The following MAGI2 variants were observed in gnomAD, a reference collection of about 807,000 sequenced individuals.
The protein encoded by MAGI2 is membrane-associated guanylate kinase, WW and PDZ domain-containing protein 2.
A neutral mutation model predicts 133.3 loss-of-function variants in MAGI2; 35 were observed. That is an observed-to-expected ratio of 0.26 (90% CI 0.20 to 0.35). The LOEUF (loss-of-function observed/expected upper bound fraction) is 0.35, where lower values mean the gene tolerates loss of function less well. Among genes scored for constraint, MAGI2 ranks in the 10% least tolerant of loss-of-function variants. The pLI is 1.00. For missense variants in MAGI2, 1,636 were observed against 1,863.4 expected (o/e 0.88, Z 2.25); for synonymous variants, 729 against 710.6 (o/e 1.03, Z -0.41).
chr7:79,067,518 G>T (rs1814477699), intron 1 of MAGI2, among the ~76,000 whole-genome samples: 1 of 152,152 alleles, frequency 6.6e-6, no homozygotes, highest in South Asian at 2.1e-4. Flanking sequence ...AGATGATGGG[G>T]TTTTCTAAAT....
At chr7:78,429,103 T>G (rs1236286806) in intron 6 of MAGI2, among the ~76,000 whole-genome samples, 1 of 152,100 alleles carries the variant, frequency 6.6e-6, no homozygotes, top group Non-Finnish European at 1.5e-5. Context: ...TATTATTGGT[T>G]TCTATAATGA....
chr7:78,747,595 C>T (rs1823046194), intron 2 of MAGI2, among the ~76,000 whole-genome samples: 1 of 152,066 alleles, frequency 6.6e-6, no homozygotes, highest in African/African-American at 2.4e-5. Flanking sequence ...TAATACTGCT[C>T]CTCAGTAAGT....
chr7:79,365,787 G>T (rs1293070006), intron 1 of MAGI2, among the ~76,000 whole-genome samples: 2 of 148,568 alleles, frequency 1.3e-5, no homozygotes, highest in African/African-American at 5.0e-5. Context: ...TTGAACCCAG[G>T]TGGTGGAGGT....
At chr7:79,310,527 C>A (rs949350450) in intron 1 of MAGI2, among the ~76,000 whole-genome samples, 5 of 152,036 alleles carry the variant, frequency 3.3e-5, no homozygotes, top group East Asian at 1.9e-4. Flanking sequence ...ATTTGGGGAC[C>A]AAGCTTTCAG....
chr7:78,465,919 A>G (rs1294198150), intron 6 of MAGI2, among the ~76,000 whole-genome samples: 1 of 152,158 alleles, frequency 6.6e-6, no homozygotes, highest in Non-Finnish European at 1.5e-5. Context: ...GTAAAGCAAG[A>G]CAGGAAAATA....
Position 78,958,673 on chromosome 7 carries a change from A to G in MAGI2, c.418+48417T>C, listed in dbSNP as rs1453300840. Among the ~76,000 whole-genome samples the G allele has an allele frequency of 3.3e-5, 5 of 152,268 alleles. No individual in the cohort carries two copies. The East Asian group carries it at 9.7e-4, about 29-fold the overall frequency. On this transcript the variant is annotated intron_variant, in intron 2 of 21. Coordinates refer to ENST00000354212, the MANE Select transcript of MAGI2 (RefSeq NM_012301.4). ...GCGGTTCATGTGTGTCAGAGTGGAAAAATGGTGAAGTGCTTCTCCATTCGT... is the reference window on the plus strand; with the variant it reads ...GCGGTTCATGTGTGTCAGAGTGGAAGAATGGTGAAGTGCTTCTCCATTCGT...
chr7:78,162,534 AAAC>A (rs1269841386), intron 15 of MAGI2, among the ~76,000 whole-genome samples: 46 of 123,110 alleles, frequency 3.7e-4, no homozygotes, highest in African/African-American at 5.0e-4. Context: ...CAAAAAAAAA[AAAC>A]AAAAAACAAA....
intron 1 of MAGI2, among the ~76,000 whole-genome samples, chr7:79,069,609 C>T (rs1814749222): frequency 6.6e-6 from 1 of 151,810 alleles, no homozygotes; most frequent in Non-Finnish European, 1.5e-5. Flanking sequence ...ACAAACATTA[C>T]ATTTGATATT....
At chr7:79,153,360 GCA>G (rs1304565980) in intron 1 of MAGI2, among the ~76,000 whole-genome samples, 1 of 152,098 alleles carries the variant, frequency 6.6e-6, no homozygotes, top group African/African-American at 2.4e-5. Flanking sequence ...CTCATGGAGC[GCA>G]CAGTTAATCT....
intron 17 of MAGI2, among the ~76,000 whole-genome samples, chr7:78,133,686 A>C (rs896880389): frequency 2.6e-5 from 4 of 152,204 alleles, no homozygotes; most frequent in Non-Finnish European, 5.9e-5. Flanking sequence ...TATATATTGG[A>C]ATAAGGGCCC....
chr7:78,354,985 A>C (rs922428297), intron 7 of MAGI2, among the ~76,000 whole-genome samples: 1 of 152,186 alleles, frequency 6.6e-6, no homozygotes, highest in African/African-American at 2.4e-5. Flanking sequence ...AGCAGCCCCA[A>C]GAACAGAGAA....
chr7:79,130,530 G>C (rs571133160), intron 1 of MAGI2, among the ~76,000 whole-genome samples: 1 of 152,232 alleles, frequency 6.6e-6, no homozygotes, highest in Admixed American at 6.5e-5. Flanking sequence ...CACATCACAT[G>C]CATCACATAT....
At chr7:79,395,997 G>A (rs9641583) in intron 1 of MAGI2, among the ~76,000 whole-genome samples, 22,713 of 152,094 alleles carry the variant, frequency 0.15, 1,892 homozygotes, top group East Asian at 0.29. Context: ...AAAATTATAT[G>A]TGTGTCACTT....
chr7:79,263,278 A>G (rs1165543935), intron 1 of MAGI2, among the ~76,000 whole-genome samples: 2 of 152,110 alleles, frequency 1.3e-5, no homozygotes, highest in Non-Finnish European at 2.9e-5. Flanking sequence ...TTATCATGTA[A>G]TCTTCAACCC....
At chr7:79,002,355 G>A (rs1255029085) in intron 2 of MAGI2, among the ~76,000 whole-genome samples, 1 of 151,696 alleles carries the variant, frequency 6.6e-6, no homozygotes, top group African/African-American at 2.4e-5. Context: ...GGTTTCCCAG[G>A]CTGGTCTCAA....
At chr7:79,190,864 G>C (rs887041246) in intron 1 of MAGI2, among the ~76,000 whole-genome samples, 2 of 151,770 alleles carry the variant, frequency 1.3e-5, no homozygotes, top group African/African-American at 4.8e-5. Context: ...AAATGATTTT[G>C]ATGTATACAG....
At chr7:79,335,225 T>G (rs2129094399) in intron 1 of MAGI2, among the ~76,000 whole-genome samples, 1 of 152,274 alleles carries the variant, frequency 6.6e-6, no homozygotes. Flanking sequence ...AGGTCTATAA[T>G]GACTTTAACA....
intron 2 of MAGI2, among the ~76,000 whole-genome samples, chr7:78,744,044 TAA>T (rs889584363): frequency 6.6e-6 from 1 of 152,188 alleles, no homozygotes; most frequent in African/African-American, 2.4e-5. Flanking sequence ...TTACTTTACA[TAA>T]AGAGAAGAAA....
chr7:78,106,566 A>C (rs1350967881), intron 20 of MAGI2, among the ~76,000 whole-genome samples: 1 of 152,070 alleles, frequency 6.6e-6, no homozygotes, highest in Non-Finnish European at 1.5e-5. Context: ...GGGTGAGATG[A>C]TATCTCATTG....
Sources: allele counts gnomAD v4.1 joint callset (sites outside exome capture counted in the v4.1 genomes callset), GRCh38; gene constraint gnomAD v4.1.1; transcripts MANE v1.5; gene names NCBI Gene and HGNC (gene_info 2026-07-23, HGNC 2026-07-21).